SPATS2L: variants seen among roughly 807,000 people sequenced by gnomAD.
SPATS2L encodes the protein spermatogenesis associated serine rich 2 like.
Under a neutral mutation model 59.6 loss-of-function variants are expected in SPATS2L, and 30 were observed. That is an observed-to-expected ratio of 0.50 (90% CI 0.38 to 0.68). The LOEUF is 0.68. Ranked by LOEUF, SPATS2L falls within the 30% of genes least tolerant of loss-of-function variation. The probability of loss-of-function intolerance (pLI) is 0.00; values close to 1 mark genes in which losing one functional copy is unlikely to be tolerated. For missense variants in SPATS2L, 615 were observed against 700.0 expected (o/e 0.88, Z 1.37); for synonymous variants, 252 against 263.5 (o/e 0.96, Z 0.42).
intron 2 of SPATS2L, among the ~76,000 whole-genome samples, chr2:200,349,354 G>A (rs991599711): frequency 6.6e-6 from 1 of 152,182 alleles, no homozygotes; most frequent in Non-Finnish European, 1.5e-5. Context: ...AAGACACGTA[G>A]GCCGGGCATG....
rs1327514630 is a variant in SPATS2L, at chr2:200,398,078, C to T, written c.39+8795C>T. 2.0e-5 allele frequency among the ~76,000 whole-genome samples: 3 copies of T among 152,154 alleles called. No homozygotes were observed. In the East Asian group the frequency reaches 5.8e-4, roughly 29 times the overall value. ...GGCTGATGAGGAGTGTTTAGGCCAA[C>T]GTTGCCCACTGGGGGAATGTTCAGA... On this transcript the variant is annotated intron_variant, in intron 3 of 12. Transcript: ENST00000409140.
At chr2:200,356,416 C>T (rs1359393276) in intron 2 of SPATS2L, among the ~76,000 whole-genome samples, 1 of 151,860 alleles carries the variant, frequency 6.6e-6, no homozygotes, top group Non-Finnish European at 1.5e-5. Flanking sequence ...TCACATTTTA[C>T]ATAAAGCCAG....
chr2:200,419,565 G>A, intron 6 of SPATS2L, 69 bp downstream of exon 6: 1 of 1,546,644 alleles, frequency 6.5e-7, no homozygotes, highest in Non-Finnish European at 8.8e-7. Context: ...AGCTCATTGG[G>A]GCTGCTGTTG....
intron 3 of SPATS2L, among the ~76,000 whole-genome samples, chr2:200,392,689 T>C (rs1450931805): frequency 6.6e-6 from 1 of 152,194 alleles, no homozygotes; most frequent in Non-Finnish European, 1.5e-5. Flanking sequence ...CCTGTGGATA[T>C]GGAGGGCCAA....
intron 1 of SPATS2L, among the ~76,000 whole-genome samples, chr2:200,316,439 A>G (rs1244091154): frequency 6.6e-6 from 1 of 152,222 alleles, no homozygotes; most frequent in East Asian, 1.9e-4. Context: ...GAGGAGTGGT[A>G]ACTACCTTGA....
intron 2 of SPATS2L, among the ~76,000 whole-genome samples, chr2:200,384,270 A>T (rs1221812903): frequency 6.6e-6 from 1 of 152,178 alleles, no homozygotes; most frequent in Non-Finnish European, 1.5e-5. Flanking sequence ...ATTTTTGCTC[A>T]GTGATCAGTT....
intron 3 of SPATS2L, among the ~76,000 whole-genome samples, chr2:200,402,815 T>G (rs2082570092): frequency 1.3e-5 from 2 of 152,236 alleles, no homozygotes; most frequent in South Asian, 4.1e-4. Flanking sequence ...TACTTGGCCA[T>G]GGCCTACACA....
chr2:200,339,942 G>A (rs974708215), intron 2 of SPATS2L, among the ~76,000 whole-genome samples: 1 of 152,060 alleles, frequency 6.6e-6, no homozygotes, highest in African/African-American at 2.4e-5. Flanking sequence ...CCTTTGTGTC[G>A]GGGGTGCCCT....
chr2:200,442,382 G>A (rs2084758881), intron 8 of SPATS2L, among the ~76,000 whole-genome samples: 1 of 152,186 alleles, frequency 6.6e-6, no homozygotes, highest in Non-Finnish European at 1.5e-5. Flanking sequence ...ACTATCCTAA[G>A]CATTATGGCC....
chr2:200,467,886 G>A (rs558074629), intron 10 of SPATS2L, among the ~76,000 whole-genome samples: 76 of 152,106 alleles, frequency 5.0e-4, no homozygotes, highest in African/African-American at 1.8e-3. Context: ...CCATAAATAC[G>A]TATTTATTAG....
Position 200,481,044 on chromosome 2 carries a change from A to G in SPATS2L, c.*3013A>G, listed in dbSNP as rs1244376353. The G allele has an allele frequency of 6.6e-6, 1 of 152,192 alleles. No individual in the cohort carries two copies. The highest frequency in any genetic ancestry group is 1.5e-5 in the Non-Finnish European group (1 of 68,032). The allele number at this position is 152,192 out of a possible 1,614,324, so 9.4% of individuals were successfully genotyped here. A position where few individuals can be genotyped will look rare whatever the true frequency, so the allele number is the denominator to read the frequency against. On this transcript the variant is annotated 3_prime_UTR_variant, in exon 13 of 13. Coordinates refer to ENST00000409140, the MANE Select transcript of SPATS2L (RefSeq NM_001100423.2). ...ATCCACACCTCCCTGTTGGGTTCCC[A>G]ATTACATTCCAAATTTACATTTCTT...
At chr2:200,324,054 A>T (rs1218718099) in intron 1 of SPATS2L, among the ~76,000 whole-genome samples, 4 of 152,166 alleles carry the variant, frequency 2.6e-5, no homozygotes, top group Non-Finnish European at 1.5e-5. Flanking sequence ...GTCTGACTGC[A>T]AGAGAGTAAA....
At chr2:200,437,012 A>G (rs191260504) in intron 6 of SPATS2L, among the ~76,000 whole-genome samples, 49 of 152,200 alleles carry the variant, frequency 3.2e-4, no homozygotes, top group Admixed American at 1.3e-3. Flanking sequence ...TCTTGCTCCC[A>G]TTCTCACCAT....
At chr2:200,311,362 G>C (rs983801269) in intron 1 of SPATS2L, among the ~76,000 whole-genome samples, 32 of 152,292 alleles carry the variant, frequency 2.1e-4, no homozygotes, top group African/African-American at 7.2e-4. Context: ...ATTTCCCAGA[G>C]TTGGGATAAT....
chr2:200,471,269 C>G, intron 11 of SPATS2L, among the ~76,000 whole-genome samples: 1 of 152,100 alleles, frequency 6.6e-6, no homozygotes, highest in East Asian at 1.9e-4. Context: ...AATTATTGTT[C>G]CCCCCTGTAC....
intron 1 of SPATS2L, among the ~76,000 whole-genome samples, chr2:200,328,305 T>G (rs2079822565): frequency 6.6e-6 from 1 of 152,166 alleles, no homozygotes; most frequent in Non-Finnish European, 1.5e-5. Context: ...TGTCCTGTGT[T>G]ATATCTTTGG....
chr2:200,314,884 A>G (rs1376569650), intron 1 of SPATS2L, among the ~76,000 whole-genome samples: 4 of 152,264 alleles, frequency 2.6e-5, no homozygotes, highest in Non-Finnish European at 5.9e-5. Context: ...TATTGGTTAC[A>G]TGTTGAAACA....
At chr2:200,452,741 A>G (rs964156503) in intron 8 of SPATS2L, among the ~76,000 whole-genome samples, 1 of 152,146 alleles carries the variant, frequency 6.6e-6, no homozygotes, top group African/African-American at 2.4e-5. Context: ...TTCCCGGATG[A>G]GCGTGATTAG....
At chr2:200,310,816 G>T (rs1221229427) in intron 1 of SPATS2L, among the ~76,000 whole-genome samples, 1 of 152,030 alleles carries the variant, frequency 6.6e-6, no homozygotes, top group African/African-American at 2.4e-5. Context: ...TTTTGTTCAT[G>T]CCCTGCCTTT....
Sources: allele counts gnomAD v4.1 joint callset (sites outside exome capture counted in the v4.1 genomes callset), GRCh38; gene constraint gnomAD v4.1.1; transcripts MANE v1.5; gene names NCBI Gene and HGNC (gene_info 2026-07-23, HGNC 2026-07-21).